EFCAB13: variants seen among roughly 807,000 people sequenced by gnomAD.
EFCAB13 encodes the protein EF-hand calcium binding domain 13, also known as EF-hand calcium-binding domain-containing protein 13.
In EFCAB13, 91 loss-of-function variants were observed where a neutral mutation model predicts 110.2. The observed-to-expected ratio is 0.83, with a 90% CI of 0.70 to 0.98. The LOEUF (loss-of-function observed/expected upper bound fraction) is 0.98. Ranked by LOEUF, EFCAB13 falls within the 50% of genes least tolerant of loss-of-function variation. The probability of loss-of-function intolerance (pLI) is 0.00; values close to 1 mark genes in which losing one functional copy is unlikely to be tolerated. For missense variants in EFCAB13, 968 were observed against 1,119.4 expected (o/e 0.86, Z 1.93); for synonymous variants, 323 against 369.9 (o/e 0.87, Z 1.45).
chr17:47,331,213 C>A (rs1015938134), intron 4 of EFCAB13, among the ~76,000 whole-genome samples: 2 of 151,982 alleles, frequency 1.3e-5, no homozygotes, highest in African/African-American at 4.8e-5. Context: ...TTCTCTCATT[C>A]TGTTGGTTGT....
intron 11 of EFCAB13, among the ~76,000 whole-genome samples, chr17:47,373,975 G>A (rs1326298803): frequency 2.0e-5 from 3 of 151,930 alleles, no homozygotes; most frequent in Non-Finnish European, 4.4e-5. Flanking sequence ...CTCAGTTTGG[G>A]GCATTGTGTT....
rs1448025207 is a variant in EFCAB13 at position 47,394,102 on chromosome 17, A to T, written c.1801+3A>T. ...GGAATGCTTCTCTGAAAAATTAGGT[A>T]CGTAAGAATATCATGTCTTCTGCTT... On this transcript the variant is annotated splice_donor_region_variant and intron_variant, in intron 16 of 24. Transcript: ENST00000331493. 6.7e-7 allele frequency: 1 copy of T among 1,498,108 alleles called. No homozygotes were observed. The highest frequency in any genetic ancestry group is 1.4e-5 in the African/African-American group (1 of 70,528). The allele number at this position is 1,498,108 out of a possible 1,614,324, so 92.8% of individuals were successfully genotyped here.
chr17:47,347,187 A>G (rs781088044), intron 8 of EFCAB13, among the ~76,000 whole-genome samples: 3 of 152,214 alleles, frequency 2.0e-5, no homozygotes, highest in Non-Finnish European at 4.4e-5. Flanking sequence ...GGATTGTTTA[A>G]GCCCAGGATT....
intron 23 of EFCAB13, chr17:47,423,510 T>C (rs1381463567): frequency 7.7e-6 from 2 of 258,272 alleles, no homozygotes; most frequent in Non-Finnish European, 1.5e-5. Context: ...CGCAGGTGGC[T>C]CCTCCTTCGC....
chr17:47,396,800 G>T (rs1203639990), intron 17 of EFCAB13, among the ~76,000 whole-genome samples: 7 of 152,078 alleles, frequency 4.6e-5, no homozygotes. Flanking sequence ...TTTATTGGAA[G>T]ATTTGAGGTG....
chr17:47,343,157 T>C (rs1247948389), intron 6 of EFCAB13, among the ~76,000 whole-genome samples: 2 of 152,156 alleles, frequency 1.3e-5, no homozygotes, highest in African/African-American at 4.8e-5. Flanking sequence ...TTCTTTCATA[T>C]ATAGTTGATC....
At chr17:47,381,392 A>G (rs1377633568) in intron 14 of EFCAB13, among the ~76,000 whole-genome samples, 1 of 152,066 alleles carries the variant, frequency 6.6e-6, no homozygotes, top group Non-Finnish European at 1.5e-5. Flanking sequence ...TTTTGTTGCC[A>G]TTGCTTTTGG....
chr17:47,395,524 T>C (rs991540161), intron 16 of EFCAB13, among the ~76,000 whole-genome samples: 3 of 152,186 alleles, frequency 2.0e-5, no homozygotes, highest in South Asian at 2.1e-4. Context: ...AATTGTATTA[T>C]CAATTGAAAA....
At chr17:47,430,931 A>C (rs1905104088) in intron 24 of EFCAB13, among the ~76,000 whole-genome samples, 1 of 152,112 alleles carries the variant, frequency 6.6e-6, no homozygotes, top group Non-Finnish European at 1.5e-5. Context: ...AAGGCTGATA[A>C]GTGATTACTA....
chr17:47,324,680 G>A (rs2065270407), intron 2 of EFCAB13, among the ~76,000 whole-genome samples, 157 bp downstream of exon 2: 3 of 152,104 alleles, frequency 2.0e-5, no homozygotes, highest in Non-Finnish European at 4.4e-5. Context: ...GAGTCGGGCG[G>A]CTTGTGAGGG....
At chr17:47,405,679 T>G (rs2065801408) in intron 20 of EFCAB13, among the ~76,000 whole-genome samples, 1 of 151,710 alleles carries the variant, frequency 6.6e-6, no homozygotes, top group South Asian at 2.1e-4. Flanking sequence ...GTATATATGG[T>G]TATTTCTCAT....
At chr17:47,420,201 G>T (rs1470919610) in intron 23 of EFCAB13, among the ~76,000 whole-genome samples, 1 of 152,322 alleles carries the variant, frequency 6.6e-6, no homozygotes, top group Admixed American at 6.5e-5. Context: ...CGCCAGCCTC[G>T]GCCTCCCAAG....
rs117781618 is a variant in EFCAB13, at chr17:47,393,412, G to A, written c.1727-613G>A. Reference sequence around the variant, plus strand: ...ATCTCTTGGACTTAAGTACCAGGAAGCATATTCAAGAATGTACATGGCAGC... The same window carrying A: ...ATCTCTTGGACTTAAGTACCAGGAAACATATTCAAGAATGTACATGGCAGC... On this transcript the variant is annotated intron_variant, in intron 15 of 24. Coordinates refer to ENST00000331493, the MANE Select transcript of EFCAB13 (RefSeq NM_152347.5). 2.6e-3 allele frequency among the ~76,000 whole-genome samples: 403 copies of A among 152,260 alleles called. 2 individuals are homozygous for A. The highest frequency in any genetic ancestry group is 6.8e-3 in the South Asian group (33 of 4,822).
Position 47,431,272 on chromosome 17 carries a change from A to T in EFCAB13, c.2638+1311A>T, listed in dbSNP as rs1905110511. On this transcript the variant is annotated intron_variant, in intron 24 of 24. Coordinates refer to ENST00000331493, the MANE Select transcript of EFCAB13 (RefSeq NM_152347.5). This position sits in a 1 kb window ranked among gnomAD's most constrained non-coding sequence, Gnocchi z 4.1. ...AATCTCCTTCCGCCTATATCCTAAC[A>T]TCTATTTTTTCTTTGTTTTTTTTTA... Among the ~76,000 whole-genome samples, 1 of 151,124 alleles carries T rather than the reference A, an allele frequency of 6.6e-6. No homozygotes were observed. The highest frequency in any genetic ancestry group is 1.5e-5 in the Non-Finnish European group (1 of 67,748).
intron 3 of EFCAB13, 31 bp from the exon 4 acceptor site, chr17:47,328,238 G>A (rs192302247): frequency 3.6e-5 from 33 of 904,820 alleles, no homozygotes; most frequent in East Asian, 9.6e-5. Flanking sequence ...CTAAACAAGC[G>A]TATGATTTCT....
intron 5 of EFCAB13, among the ~76,000 whole-genome samples, chr17:47,339,378 T>G (rs1430577878): frequency 6.6e-6 from 1 of 151,986 alleles, no homozygotes; most frequent in Non-Finnish European, 1.5e-5. Flanking sequence ...GCAGGGGTGG[T>G]TTCTGGATGA....
intron 10 of EFCAB13, among the ~76,000 whole-genome samples, chr17:47,367,285 A>T (rs58890677): frequency 3.6e-3 from 546 of 152,348 alleles, no homozygotes; most frequent in African/African-American, 0.013. Context: ...CCTGCACCTG[A>T]AATACATAGT....
At chr17:47,359,628 TTTTA>T (rs1433227815) in intron 9 of EFCAB13, among the ~76,000 whole-genome samples, 2 of 151,810 alleles carry the variant, frequency 1.3e-5, no homozygotes, top group African/African-American at 2.4e-5. Context: ...TCAATTTTTT[TTTTA>T]TTATTATTAT....
intron 12 of EFCAB13, among the ~76,000 whole-genome samples, chr17:47,375,483 CG>C (rs113394376): frequency 0.088 from 13,185 of 150,366 alleles, 831 homozygotes; most frequent in East Asian, 0.35. Flanking sequence ...TTCATAGAGA[CG>C]GGGGTCCCAT....
Sources: gnomAD v4.1 joint callset for allele counts (sites outside exome capture counted in the v4.1 genomes callset) on GRCh38, gnomAD v4.1.1 for gene constraint, Gnocchi (gnomAD v3.1) non-coding constraint, MANE v1.5 for transcripts, NCBI Gene and HGNC (gene_info 2026-07-23, HGNC 2026-07-21) for gene names.